The following AUTS2 variants were observed in gnomAD, a reference collection of about 807,000 sequenced individuals.
The protein encoded by AUTS2 is activator of transcription and developmental regulator AUTS2.
Under a neutral mutation model 112.4 loss-of-function variants are expected in AUTS2, and 17 were observed. The observed-to-expected ratio is 0.15, with a 90% CI of 0.10 to 0.23. The LOEUF is 0.23. AUTS2 is among the 10% of genes least tolerant of loss of function. AUTS2 has a pLI of 1.00. For synonymous variants in AUTS2, 751 were observed against 702.7 expected (o/e 1.07, Z -1.09); for missense variants, 1,510 against 1,701.6 (o/e 0.89, Z 1.98).
intron 6 of AUTS2, among the ~76,000 whole-genome samples, chr7:70,733,629 C>T (rs2129553051): frequency 6.7e-6 from 1 of 149,170 alleles, no homozygotes; most frequent in Non-Finnish European, 1.5e-5. Context: ...CTCTGTCACC[C>T]AGGCTAGAGT....
chr7:70,057,349 G>A (rs115811302), intron 2 of AUTS2, among the ~76,000 whole-genome samples: 4,430 of 152,204 alleles, frequency 0.029, 243 homozygotes, highest in African/African-American at 0.1. Context: ...TACCAGCTCC[G>A]CTGTGGAGAT....
intron 2 of AUTS2, among the ~76,000 whole-genome samples, chr7:69,904,714 CAT>C (rs1158991240): frequency 6.6e-6 from 1 of 152,136 alleles, no homozygotes; most frequent in African/African-American, 2.4e-5. Context: ...ATTTTGTAGT[CAT>C]GTGAAGGTTA....
At chr7:70,081,257 T>C (rs1300508100) in intron 2 of AUTS2, among the ~76,000 whole-genome samples, 1 of 151,576 alleles carries the variant, frequency 6.6e-6, no homozygotes, top group Non-Finnish European at 1.5e-5. Flanking sequence ...GATTAGAAAC[T>C]CAGAACAAAA....
intron 1 of AUTS2, among the ~76,000 whole-genome samples, chr7:69,692,061 G>C (rs1429531143): frequency 4.6e-5 from 7 of 152,196 alleles, no homozygotes; most frequent in Non-Finnish European, 1.0e-4. Context: ...AGCGGGGCCA[G>C]TGCCTACAAG....
rs1793807743 is a variant in AUTS2 at position 69,876,529 on chromosome 7, TATATATATATATA to T, written c.310-22756_310-22744del. Among the ~76,000 whole-genome samples the T allele has an allele frequency of 1.0e-4, 7 of 69,406 alleles. No homozygotes were observed. The South Asian group carries it at 3.8e-3, about 38-fold the overall frequency. The allele number at this position is 69,406 out of a possible 152,430, so 45.5% of individuals were successfully genotyped here. On this transcript the variant is annotated intron_variant, in intron 1 of 18. Coordinates refer to ENST00000342771, the MANE Select transcript of AUTS2 (RefSeq NM_015570.4). ...ATATATATATATATATATATATATA[TATATATATATATA>T]TATTTTCAGTGTTCATATAACAAAT...
At chr7:70,307,189 A>C (rs11762691) in intron 4 of AUTS2, among the ~76,000 whole-genome samples, 193 of 152,292 alleles carry the variant, frequency 1.3e-3, no homozygotes, top group Non-Finnish European at 2.2e-3. Context: ...AATTCTTCCT[A>C]TTTCTTACAA....
chr7:70,542,602 A>G (rs895875006), intron 5 of AUTS2, among the ~76,000 whole-genome samples: 3 of 152,206 alleles, frequency 2.0e-5, no homozygotes, highest in African/African-American at 7.2e-5. Context: ...CTCTGGGGTA[A>G]ACTTTATGTG....
At chr7:69,908,176 C>G (rs1203194923) in intron 2 of AUTS2, among the ~76,000 whole-genome samples, 2 of 152,170 alleles carry the variant, frequency 1.3e-5, no homozygotes, top group Non-Finnish European at 2.9e-5. Context: ...ACTACTATCA[C>G]TCTTTGCTCT....
At chr7:70,513,190 A>C (rs917606590) in intron 5 of AUTS2, among the ~76,000 whole-genome samples, 1 of 152,226 alleles carries the variant, frequency 6.6e-6, no homozygotes, top group Non-Finnish European at 1.5e-5. Flanking sequence ...TGTGTAAAAA[A>C]ATTTTAAGTA....
chr7:69,847,061 A>G (rs1792235609), intron 1 of AUTS2, among the ~76,000 whole-genome samples: 1 of 152,088 alleles, frequency 6.6e-6, no homozygotes, highest in South Asian at 2.1e-4. Context: ...GCATTTTATA[A>G]ATTTGTCTTA....
chr7:70,787,083 C>T (rs1267694087), intron 17 of AUTS2, 126 bp from the exon 18 acceptor site: 8 of 881,160 alleles, frequency 9.1e-6, no homozygotes, highest in Admixed American at 8.0e-5. Context: ...TTTCCTTTTC[C>T]AGCTCCCAAT....
chr7:70,523,001 A>G (rs1466029911), intron 5 of AUTS2, among the ~76,000 whole-genome samples: 1 of 152,216 alleles, frequency 6.6e-6, no homozygotes, highest in Non-Finnish European at 1.5e-5. Flanking sequence ...TGAGACCGCC[A>G]TTTCTTCAGG....
chr7:70,429,637 G>C (rs1795570876), intron 4 of AUTS2, among the ~76,000 whole-genome samples: 1 of 152,226 alleles, frequency 6.6e-6, no homozygotes, highest in Non-Finnish European at 1.5e-5. Flanking sequence ...CCTGCTGTGA[G>C]ATTAGTATGG....
intron 2 of AUTS2, among the ~76,000 whole-genome samples, chr7:69,982,647 T>C (rs1798344572): frequency 6.6e-6 from 1 of 152,184 alleles, no homozygotes; most frequent in Non-Finnish European, 1.5e-5. Context: ...ACTTTTTCCA[T>C]TGAATGACCC....
At chr7:70,242,539 A>G (rs908260949) in intron 4 of AUTS2, among the ~76,000 whole-genome samples, 116 of 152,328 alleles carry the variant, frequency 7.6e-4, no homozygotes, top group African/African-American at 2.7e-3. Flanking sequence ...GAAGTGCCTG[A>G]CATGCAGTAG....
chr7:70,661,762 G>A (rs758688558), intron 5 of AUTS2, among the ~76,000 whole-genome samples: 2 of 152,004 alleles, frequency 1.3e-5, no homozygotes, highest in Non-Finnish European at 2.9e-5. Context: ...TGAGTCTGGG[G>A]AGGTGGACCC....
chr7:70,364,932 A>G (rs964594614), intron 4 of AUTS2, among the ~76,000 whole-genome samples: 3 of 152,200 alleles, frequency 2.0e-5, no homozygotes, highest in African/African-American at 7.2e-5. Flanking sequence ...TGGCTGGCAC[A>G]TATCTCTCAG....
chr7:69,991,960 A>C (rs1798758325), intron 2 of AUTS2, among the ~76,000 whole-genome samples: 1 of 152,186 alleles, frequency 6.6e-6, no homozygotes, highest in Non-Finnish European at 1.5e-5. Context: ...GTTTTTGTTT[A>C]TATATATGGT....
chr7:69,674,940 C>T (rs941526804), intron 1 of AUTS2, among the ~76,000 whole-genome samples: 3 of 152,156 alleles, frequency 2.0e-5, no homozygotes, highest in African/African-American at 7.2e-5. Context: ...ATAATTTGGG[C>T]TCCTGTGTAT....
Sources: gnomAD v4.1 joint callset for allele counts (sites outside exome capture counted in the v4.1 genomes callset) on GRCh38, gnomAD v4.1.1 for gene constraint, MANE v1.5 for transcripts, NCBI Gene and HGNC (gene_info 2026-07-23, HGNC 2026-07-21) for gene names.